The following TMEM144 variants were observed in gnomAD, a reference collection of about 807,000 sequenced individuals.
The protein encoded by TMEM144 is transmembrane protein 144.
Under a neutral mutation model 43.6 loss-of-function variants are expected in TMEM144, and 39 were observed. The ratio of observed to expected loss-of-function variants is 0.90; its 90% CI spans 0.69 to 1.17. The LOEUF (loss-of-function observed/expected upper bound fraction) is 1.17, where lower values mean the gene tolerates loss of function less well. Ranked by LOEUF, TMEM144 falls within the 50% of genes most tolerant of loss-of-function variation. The pLI is 0.00. For synonymous variants in TMEM144, 154 were observed against 133.6 expected, an observed-to-expected ratio of 1.15 and a Z score of -1.06; for missense variants, 417 against 411.9, an observed-to-expected ratio of 1.01 and a Z score of -0.11.
At chr4:158,233,267 T>C (rs758833379) in intron 7 of TMEM144, 78 of 203,798 alleles carry the variant, frequency 3.8e-4, no homozygotes, top group Admixed American at 6.8e-4. Flanking sequence ...ATTCCTACAA[T>C]AGAGGAACCC....
At chr4:158,243,751 C>A (rs1192207990) in intron 11 of TMEM144, among the ~76,000 whole-genome samples, 1 of 151,974 alleles carries the variant, frequency 6.6e-6, no homozygotes, top group East Asian at 1.9e-4. Flanking sequence ...TCCCATAAAC[C>A]TTTTTTTAGC....
intron 12 of TMEM144, among the ~76,000 whole-genome samples, chr4:158,249,633 TA>T (rs1736079441): frequency 6.6e-6 from 1 of 152,204 alleles, no homozygotes; most frequent in Admixed American, 6.5e-5. Context: ...ACATAGGTAA[TA>T]AAATAGCGCT....
chr4:158,249,348 A>G (rs577805222), intron 12 of TMEM144, among the ~76,000 whole-genome samples: 3 of 152,358 alleles, frequency 2.0e-5, no homozygotes, highest in Non-Finnish European at 4.4e-5. Flanking sequence ...GGCAGTTACT[A>G]CCACAACAAT....
At position 158,245,213 on chromosome 4, in the gene TMEM144, A is replaced by AGTGTGTGT. The variant is rs759486531; in HGVS notation, c.954+907_954+914dup. Among the ~76,000 whole-genome samples, 116 of 125,678 alleles carry AGTGTGTGT rather than the reference A, an allele frequency of 9.2e-4. 1 individual carries two copies. The highest frequency in any genetic ancestry group is 4.5e-3 in the East Asian group (19 of 4,264). The allele number at this position is 125,678 out of a possible 152,430, so 82.4% of individuals were successfully genotyped here. The stretch of plus-strand genomic sequence containing the variant: ...GCATTCATCAAATAGTTCTAGTAAG[A>AGTGTGTGT]GTGTGTGTGTGTGTGTGTGTGTGTG... On this transcript the variant is annotated intron_variant, in intron 12 of 12. Transcript: ENST00000296529.
intron 9 of TMEM144, among the ~76,000 whole-genome samples, chr4:158,240,079 G>A (rs1474452109): frequency 1.3e-5 from 2 of 152,002 alleles, no homozygotes; most frequent in East Asian, 3.9e-4. Context: ...TAAAGGCAGG[G>A]TTTCACTGCA....
At chr4:158,220,905 T>C (rs1734476861) in intron 6 of TMEM144, among the ~76,000 whole-genome samples, 1 of 152,170 alleles carries the variant, frequency 6.6e-6, no homozygotes, top group Non-Finnish European at 1.5e-5. Context: ...GTTTCTCTGC[T>C]AAGAGGAATT....
chr4:158,214,803 C>T (rs1217560976), intron 3 of TMEM144, among the ~76,000 whole-genome samples: 2 of 152,122 alleles, frequency 1.3e-5, no homozygotes, highest in Non-Finnish European at 2.9e-5. Context: ...AGCAAGAGTA[C>T]TCAGTGTGGC....
chr4:158,249,844 T>C lies in TMEM144; in HGVS notation c.955-3600T>C, dbSNP rs139360088. On this transcript the variant is annotated intron_variant, in intron 12 of 12. Coordinates refer to ENST00000296529, the MANE Select transcript of TMEM144 (RefSeq NM_018342.5). Reference sequence around the variant, plus strand: ...TAGGTGAGAATTGCAGTCTTAAAAATTAAGAAAAAAAAAGGTGCTGGGAAA... The same window carrying C: ...TAGGTGAGAATTGCAGTCTTAAAAACTAAGAAAAAAAAAGGTGCTGGGAAA... Among the ~76,000 whole-genome samples, 830 of 148,886 alleles carry C rather than the reference T, an allele frequency of 5.6e-3. 10 individuals are homozygous for C. The highest frequency in any genetic ancestry group is 0.02 in the African/African-American group (795 of 40,442).
intron 11 of TMEM144, among the ~76,000 whole-genome samples, chr4:158,243,697 C>T (rs1735734565): frequency 1.3e-5 from 2 of 152,226 alleles, no homozygotes; most frequent in Non-Finnish European, 2.9e-5. Flanking sequence ...TTGTCTCCTG[C>T]CCAGAAACCC....
At chr4:158,244,427 T>C (rs1735785157) in intron 12 of TMEM144, 78 bp downstream of exon 12, 2 of 1,207,450 alleles carry the variant, frequency 1.7e-6, no homozygotes, top group East Asian at 4.9e-5. Context: ...GTCCTGGCAC[T>C]TTGGGAGGCC....
intron 12 of TMEM144, among the ~76,000 whole-genome samples, chr4:158,246,944 A>C (rs1735918640): frequency 6.6e-6 from 1 of 151,956 alleles, no homozygotes; most frequent in African/African-American, 2.4e-5. Context: ...TTCAAAGAGA[A>C]TCCCTAACCA....
intron 6 of TMEM144, among the ~76,000 whole-genome samples, chr4:158,228,064 C>G (rs914540069): frequency 2.2e-4 from 34 of 152,170 alleles, no homozygotes; most frequent in African/African-American, 7.5e-4. Context: ...AAATCAAAAC[C>G]AAAATCAGAG....
chr4:158,233,794 C>T (rs907355446), intron 7 of TMEM144: 1 of 152,232 alleles, frequency 6.6e-6, no homozygotes, highest in African/African-American at 2.4e-5. Context: ...CTTTTATCAA[C>T]TAAAACCTTA....
chr4:158,244,596 G>C (rs1449255293), intron 12 of TMEM144, among the ~76,000 whole-genome samples: 2 of 152,106 alleles, frequency 1.3e-5, no homozygotes, highest in Non-Finnish European at 1.5e-5. Flanking sequence ...CTTGAACCCG[G>C]GAGGCGGAGG....
intron 5 of TMEM144, among the ~76,000 whole-genome samples, chr4:158,218,595 A>C (rs576124209): frequency 4.9e-5 from 4 of 80,934 alleles, no homozygotes; most frequent in Admixed American, 2.3e-4. Context: ...TCAGGCAGGA[A>C]AAAAAAATTG....
chr4:158,223,930 T>C (rs1229193201), intron 6 of TMEM144, among the ~76,000 whole-genome samples: 2 of 152,252 alleles, frequency 1.3e-5, no homozygotes, highest in Non-Finnish European at 2.9e-5. Context: ...ATATACCCAG[T>C]AATGGGATTG....
chr4:158,252,606 A>T (rs899273226), intron 12 of TMEM144, among the ~76,000 whole-genome samples: 1 of 151,986 alleles, frequency 6.6e-6, no homozygotes, highest in Non-Finnish European at 1.5e-5. Flanking sequence ...TCAGGAGTTC[A>T]AGACCAGCCT....
chr4:158,217,285 G>T, intron 4 of TMEM144, 36 bp from the exon 5 acceptor site: 1 of 1,376,084 alleles, frequency 7.3e-7, no homozygotes. Flanking sequence ...TTTCTATATG[G>T]AAATAACATG....
chr4:158,248,618 A>T (rs1011313455), intron 12 of TMEM144, among the ~76,000 whole-genome samples: 3 of 152,204 alleles, frequency 2.0e-5, no homozygotes, highest in African/African-American at 4.8e-5. Context: ...CTAAAGCCTA[A>T]ATATCATAAG....
Sources: allele counts gnomAD v4.1 joint callset (sites outside exome capture counted in the v4.1 genomes callset), GRCh38; gene constraint gnomAD v4.1.1; transcripts MANE v1.5; gene names NCBI Gene and HGNC (gene_info 2026-07-23, HGNC 2026-07-21).